Variants in DIAPH2 observed in about 807,000 individuals in gnomAD.
The protein encoded by DIAPH2 is protein diaphanous homolog 2.
Under a neutral mutation model 92.7 loss-of-function variants are expected in DIAPH2, and 35 were observed. The observed-to-expected ratio is 0.38, with a 90% CI of 0.29 to 0.50. The LOEUF (loss-of-function observed/expected upper bound fraction) is 0.50, where lower values mean the gene tolerates loss of function less well. Ranked by LOEUF, DIAPH2 falls within the 20% of genes least tolerant of loss-of-function variation. DIAPH2 has a pLI of 0.94. For synonymous variants in DIAPH2, 301 were observed against 280.4 expected, an observed-to-expected ratio of 1.07 and a Z score of -0.73; for missense variants, 701 against 819.5, an observed-to-expected ratio of 0.86 and a Z score of 1.77.
At chrX:96,891,894 T>G (rs1243755989) in intron 5 of DIAPH2, among the ~76,000 whole-genome samples, 1 of 112,337 alleles carries the variant, frequency 8.9e-6, no homozygotes, top group African/African-American at 3.2e-5. Context: ...ACATAAAATA[T>G]CTTTTCAAGT....
intron 4 of DIAPH2, among the ~76,000 whole-genome samples, chrX:96,813,893 A>C (rs1323348491): frequency 8.9e-6 from 1 of 111,853 alleles, no homozygotes; most frequent in African/African-American, 3.2e-5. Flanking sequence ...TGAAAGATCC[A>C]CTGTCAGTCT....
chrX:97,048,760 G>A (rs911451810), intron 17 of DIAPH2, among the ~76,000 whole-genome samples: 6 of 111,260 alleles, frequency 5.4e-5, no homozygotes, highest in African/African-American at 2.0e-4. Flanking sequence ...CTTATTGATA[G>A]ATTTATTATT....
At chrX:97,275,452 C>T (rs1204622640) in intron 23 of DIAPH2, among the ~76,000 whole-genome samples, 1 of 103,279 alleles carries the variant, frequency 9.7e-6, no homozygotes, top group African/African-American at 3.4e-5. Flanking sequence ...GGGGCGGCTG[C>T]CGGGCGGAGA....
chrX:96,986,005 C>A lies in DIAPH2; in HGVS notation c.2050+20798C>A, dbSNP rs1405015287. On this transcript the variant is annotated intron_variant, in intron 17 of 26. Coordinates refer to ENST00000324765, the MANE Select transcript of DIAPH2 (RefSeq NM_006729.5). ...ATGTTTTTTTTAATGCTGTTTCAAA[C>A]AGATTGCTTTTAAAAGGTCTTGAAA... is the stretch of plus-strand genomic sequence containing the variant. Among the ~76,000 whole-genome samples the A allele has an allele frequency of 4.5e-5, 5 of 110,934 alleles. No homozygotes were observed. The Admixed American group carries it at 4.8e-4, about 11-fold the overall frequency.
intron 22 of DIAPH2, among the ~76,000 whole-genome samples, chrX:97,153,435 A>AT (rs1380089399): frequency 9.1e-6 from 1 of 110,256 alleles, no homozygotes; most frequent in Non-Finnish European, 1.9e-5. Flanking sequence ...ATACAAAAAA[A>AT]TTAGCCGGGC....
At chrX:96,718,346 T>TG in intron 1 of DIAPH2, among the ~76,000 whole-genome samples, 1 of 52,164 alleles carries the variant, frequency 1.9e-5, no homozygotes, top group Non-Finnish European at 3.8e-5. Context: ...GTTTTTTTTT[T>TG]TTTTTTTTTT....
chrX:97,306,095 C>T (rs1175418978), intron 23 of DIAPH2, among the ~76,000 whole-genome samples: 1 of 110,520 alleles, frequency 9.0e-6, no homozygotes, highest in Non-Finnish European at 1.9e-5. Context: ...ATTTACAGTC[C>T]TCTAGCAAAG....
chrX:97,373,827 C>T (rs1425851853), intron 24 of DIAPH2, among the ~76,000 whole-genome samples: 1 of 109,341 alleles, frequency 9.1e-6, no homozygotes, highest in Admixed American at 9.9e-5. Context: ...GTTTCAAACC[C>T]CTGACCTCAG....
chrX:97,275,646 C>T (rs1235908965), intron 23 of DIAPH2, among the ~76,000 whole-genome samples: 7 of 106,319 alleles, frequency 6.6e-5, no homozygotes, highest in African/African-American at 1.0e-4. Context: ...AACGGGGTTG[C>T]GGCCGGACAG....
chrX:97,034,566 GAAGA>G (rs1342104786), intron 17 of DIAPH2, among the ~76,000 whole-genome samples: 1 of 109,178 alleles, frequency 9.2e-6, no homozygotes, highest in African/African-American at 3.3e-5. Context: ...CTTAGGACTA[GAAGA>G]AAGAGAGAAA....
intron 15 of DIAPH2, among the ~76,000 whole-genome samples, chrX:96,956,992 G>C (rs2065814706): frequency 8.9e-6 from 1 of 112,496 alleles, no homozygotes; most frequent in Non-Finnish European, 1.9e-5. Context: ...CAACTATGAA[G>C]AAATACCTGA....
rs755590622 is a variant in DIAPH2 at position 97,092,079 on chromosome X, C to T, written c.2248-7615C>T. On this transcript the variant is annotated intron_variant, in intron 19 of 26. Coordinates refer to ENST00000324765, the MANE Select transcript of DIAPH2 (RefSeq NM_006729.5). ...TTTGGGGTTCTGTAAAAGCTCTAGA[C>T]CAGTAGAGTTTGGTAGATGTTCCTA... Among the ~76,000 whole-genome samples the T allele has an allele frequency of 3.3e-4, 37 of 111,814 alleles. 1 individual carries two copies. Among genetic ancestry groups the T allele is most frequent in the Non-Finnish European group, 6.2e-4 (33 of 53,180 alleles).
intron 3 of DIAPH2, among the ~76,000 whole-genome samples, chrX:96,751,652 G>GTTTTTTTTTTTTTTTTTTTTTTT (rs1219167141): frequency 3.3e-5 from 2 of 60,299 alleles, no homozygotes; most frequent in African/African-American, 1.3e-4. Flanking sequence ...TCAGTGTTTT[G>GTTTTTTTTTTTTTTTTTTTTTTT]TTTTTTTTTT....
At chrX:96,706,855 T>C (rs1195515404) in intron 1 of DIAPH2, among the ~76,000 whole-genome samples, 1 of 111,560 alleles carries the variant, frequency 9.0e-6, no homozygotes. Context: ...TATCAGTGAA[T>C]GTAGAGATCT....
chrX:97,072,888 G>T (rs947001965), intron 17 of DIAPH2, 53 bp from the exon 18 acceptor site: 24 of 774,220 alleles, frequency 3.1e-5, no homozygotes, highest in Middle Eastern at 3.4e-4. Context: ...ATGTTATTCC[G>T]TGTACTTGGA....
chrX:97,204,627 C>T (rs190419935), intron 22 of DIAPH2, among the ~76,000 whole-genome samples: 4 of 111,132 alleles, frequency 3.6e-5, no homozygotes, highest in African/African-American at 9.8e-5. Context: ...ATGTGAAAGA[C>T]GTCTTCAAGG....
chrX:97,520,555 A>T (rs923728210), intron 26 of DIAPH2, among the ~76,000 whole-genome samples: 1 of 112,515 alleles, frequency 8.9e-6, no homozygotes, highest in African/African-American at 3.2e-5. Context: ...TTTAGATAGA[A>T]CACAGATACA....
chrX:97,336,721 G>A (rs2069065415), intron 23 of DIAPH2, among the ~76,000 whole-genome samples: 1 of 111,904 alleles, frequency 8.9e-6, no homozygotes, highest in African/African-American at 3.2e-5. Flanking sequence ...TAATCAAAAT[G>A]TTTGAATAAA....
intron 4 of DIAPH2, among the ~76,000 whole-genome samples, chrX:96,857,630 A>T (rs1602570175): frequency 1.8e-5 from 2 of 112,200 alleles, no homozygotes; most frequent in African/African-American, 6.5e-5. Context: ...CTTTTATTAT[A>T]AGTTGGAATT....
Sources: allele counts gnomAD v4.1 joint callset (sites outside exome capture counted in the v4.1 genomes callset), GRCh38; gene constraint gnomAD v4.1.1; transcripts MANE v1.5; gene names NCBI Gene and HGNC (gene_info 2026-07-23, HGNC 2026-07-21).